The following ZNF836 variants were observed in gnomAD, a reference collection of about 807,000 sequenced individuals.
The protein encoded by ZNF836 is zinc finger protein 836.
ZNF836 carries 12 observed loss-of-function variants against 7.4 expected under a neutral mutation model. That is an observed-to-expected ratio of 1.61 (90% CI 1.03 to 2.61). ZNF836 has a LOEUF of 2.61. Ranked by LOEUF, ZNF836 falls within the 30% of genes most tolerant of loss-of-function variation. The pLI is 0.00. For missense variants in ZNF836, 998 were observed against 1,126.2 expected (o/e 0.89, Z 1.63); for synonymous variants, 365 against 382.6 (o/e 0.95, Z 0.54).
intron 4 of ZNF836, among the ~76,000 whole-genome samples, chr19:52,157,744 T>C (rs557706316): frequency 1.4e-3 from 211 of 152,156 alleles, no homozygotes; most frequent in South Asian, 3.7e-3. Context: ...CTAATTTTTA[T>C]ATTTTTAGTA....
At position 52,157,002 on chromosome 19, in the gene ZNF836, A is replaced by G. The variant is rs1214853086; in HGVS notation, c.681T>C (p.Phe227=). The change falls in exon 5 of 5, where the codon TTT becomes TTC. Residue 227 remains phenylalanine, a synonymous_variant. Transcript: ENST00000682614. Reference sequence around the variant, plus strand: ...GGTTAATAAGACTTGAAGACACTCTAAAGGCTTTGCCACACCCTTTACACA... The same window carrying G: ...GGTTAATAAGACTTGAAGACACTCTGAAGGCTTTGCCACACCCTTTACACA... ...PYMCKGCGKA[F]RVSSSLINHQ... 1 of 1,614,082 alleles carries G rather than the reference A, an allele frequency of 6.2e-7. No homozygotes were observed. Among genetic ancestry groups the G allele is most frequent in the Admixed American group, 1.7e-5 (1 of 60,006 alleles).
In ZNF836 at chr19:52,156,876, T is replaced by C. The variant is rs766995060; in HGVS notation, c.807A>G (p.Thr269=). ...CACCACATTGATATGGCTTCCCCCT[T>C]GTATGGACTATCTGATGTATAGTTA... ...SLLTIHQIVH[T]RGKPYQCGVC... The change falls in exon 5 of 5, where the codon ACA becomes ACG. Residue 269 remains threonine (T), a synonymous_variant. Transcript: ENST00000682614. 15 of 1,614,028 alleles carry C rather than the reference T, an allele frequency of 9.3e-6. No individual in the cohort carries two copies. The highest frequency in any genetic ancestry group is 6.7e-5 in the Admixed American group (4 of 60,002).
Position 52,155,058 on chromosome 19 carries a change from A to C in ZNF836, c.2625T>G (p.Ser875=), listed in dbSNP as rs2089138447. The C allele has an allele frequency of 6.2e-7, 1 of 1,614,190 alleles. No individual in the cohort carries two copies. ...IECGKAFGRF[S]CLNKHQMIHS... is the part of the protein sequence containing the mutation. ...GAATCATTTGGTGTTTGTTGAGGCA[A>C]GAAAACCGCCCAAAGGCCTTGCCAC... Residue 875 remains serine, a synonymous_variant, in exon 5 of 5, where the codon TCT becomes TCG. Transcript: ENST00000682614.
In ZNF836 at chr19:52,157,399, A is replaced by G. The variant is rs1568570522; in HGVS notation, c.284T>C (p.Leu95Pro). 6.2e-7 allele frequency: 1 copy of G among 1,609,524 alleles called. No individual in the cohort carries two copies. The highest frequency in any genetic ancestry group is 8.5e-7 in the Non-Finnish European group (1 of 1,178,896). Residue 95 changes from leucine (L) to proline (P), a missense_variant, in exon 5 of 5, where the codon CTA becomes CCA. By Grantham distance (98) the Leu-to-Pro change is moderately conservative. Transcript: ENST00000682614. Reference sequence around the variant, plus strand: ...TTTCCATTGAAACTCAAGGTCCTGTAGATTTTTCTGGATTTCCCTTAAGTA... The same window carrying G: ...TTTCCATTGAAACTCAAGGTCCTGTGGATTTTTCTGGATTTCCCTTAAGTA... ...NFYLREIQKN[L>P]QDLEFQWKDG... is the part of the protein sequence containing the mutation.
intron 4 of ZNF836, among the ~76,000 whole-genome samples, chr19:52,157,818 C>G (rs1229122637): frequency 6.6e-6 from 1 of 152,136 alleles, no homozygotes; most frequent in Non-Finnish European, 1.5e-5. Flanking sequence ...ATCCGCCCAC[C>G]TCGGCCCCAC....
In ZNF836 at chr19:52,156,378, G is replaced by T. The variant is rs372781291; in HGVS notation, c.1305C>A (p.Ile435=). The change falls in exon 5 of 5, where the codon ATC becomes ATA. Residue 435 remains isoleucine (I), a synonymous_variant. Coordinates refer to ENST00000682614, the MANE Select transcript of ZNF836 (RefSeq NM_001102657.3). ...RSSSLTTHQI[I]HTGEKPYTCD... is the part of the protein sequence containing the mutation. ...ATGTATATGGTTTCTCTCCTGTATG[G>T]ATTATCTGATGTGTAGTGAGGCTGG... 73 of 1,614,006 alleles carry T rather than the reference G, an allele frequency of 4.5e-5. No homozygotes were observed. The highest frequency in any genetic ancestry group is 1.6e-4 in the Middle Eastern group (1 of 6,084).
rs371268827 is a variant in ZNF836, at chr19:52,157,168, T to A, written c.515A>T (p.Asn172Ile). 71 of 1,613,370 alleles carry A rather than the reference T, an allele frequency of 4.4e-5. No homozygotes were observed. Among genetic ancestry groups the A allele is most frequent in the Non-Finnish European group, 5.6e-5 (66 of 1,179,588 alleles). ...AAGTGGTGAAACTAGGGAACTGTTA[T>A]TAACTGTCTTCTCAGATTGGTTACA... ...YECNQSEKTV[N>I]NSSLVSPLQR... Residue 172 changes from asparagine to isoleucine, a missense_variant, in exon 5 of 5, where the codon AAT becomes ATT. By Grantham distance (149) the Asn-to-Ile change is moderately radical. Transcript: ENST00000682614.
rs778236764 is a variant in ZNF836 at position 52,156,501 on chromosome 19, G to A, written c.1182C>T (p.Ser394=). The change falls in exon 5 of 5, where the codon TCC becomes TCT. Residue 394 remains serine, a synonymous_variant. Transcript: ENST00000682614. ...TTGCCAGGTTGGAACTTTGACTAAA[G>A]GACTTTCCACATATGTTGCATTTGT... ...KPYKCNICGK[S]FSQSSNLATH... 6 of 1,614,078 alleles carry A rather than the reference G, an allele frequency of 3.7e-6. No homozygotes were observed. Among genetic ancestry groups the A allele is most frequent in the Non-Finnish European group, 5.1e-6 (6 of 1,180,022 alleles).
rs747470577 is a variant in ZNF836, at chr19:52,157,226, GCAGTTCAGT to G, written c.448_456del (p.Thr150_Leu152del). 1 of 1,610,774 alleles carries G rather than the reference GCAGTTCAGT, an allele frequency of 6.2e-7. No individual in the cohort carries two copies. Among genetic ancestry groups the G allele is most frequent in the Non-Finnish European group, 8.5e-7 (1 of 1,177,948 alleles). On this transcript the variant is annotated inframe_deletion, in exon 5 of 5. Coordinates refer to ENST00000682614, the MANE Select transcript of ZNF836 (RefSeq NM_001102657.3). ...ATTTTCCCTTCAGTTTGAAATTTCT[GCAGTTCAGT>G]CAGACGTGACTGAAAGCTTAATGTA...
At chr19:52,162,483 G>T (rs2089221054) in intron 3 of ZNF836, among the ~76,000 whole-genome samples, 2 of 152,356 alleles carry the variant, frequency 1.3e-5, no homozygotes, top group South Asian at 4.1e-4. Context: ...AAGGTTTACA[G>T]TTTGTGTGTT....
intron 3 of ZNF836, among the ~76,000 whole-genome samples, chr19:52,167,715 C>G (rs934993912): frequency 1.4e-4 from 22 of 152,102 alleles, no homozygotes; most frequent in Admixed American, 6.6e-5. Context: ...TGCAGCTTCT[C>G]TACTTCTGGT....
In ZNF836 at chr19:52,156,562, A is replaced by G; in HGVS notation, c.1121T>C (p.Val374Ala). The G allele has an allele frequency of 1.2e-6, 2 of 1,613,028 alleles. No individual in the cohort carries two copies. Among genetic ancestry groups the G allele is most frequent in the South Asian group, 2.2e-5 (2 of 91,020 alleles). The change falls in exon 5 of 5, where the codon GTA becomes GCA. Residue 374 changes from valine to alanine, a missense_variant. By Grantham distance (64) the Val-to-Ala change is moderately conservative. Transcript: ENST00000682614. Reference sequence around the variant, plus strand: ...TCCAGTGTGGATTCTCTGGTGATTTACAAGATTAGAATTCTGCCTGAAGAC... The same window carrying G: ...TCCAGTGTGGATTCTCTGGTGATTTGCAAGATTAGAATTCTGCCTGAAGAC... ...GKVFRQNSNL[V>A]NHQRIHTGEK...
At chr19:52,162,819 G>C (rs775577992) in intron 3 of ZNF836, among the ~76,000 whole-genome samples, 7 of 152,162 alleles carry the variant, frequency 4.6e-5, no homozygotes, top group Non-Finnish European at 8.8e-5. Context: ...ACCTTCTGGC[G>C]GCAGGCGCAG....
rs752617787 is a variant in ZNF836 at position 52,155,321 on chromosome 19, G to A, written c.2362C>T (p.Arg788Cys). 2.9e-5 allele frequency: 46 copies of A among 1,611,772 alleles called. No homozygotes were observed. Among genetic ancestry groups the A allele is most frequent in the Middle Eastern group, 3.3e-4 (2 of 6,050 alleles). The change falls in exon 5 of 5, where the codon CGT becomes TGT. Residue 788 changes from arginine to cysteine, a missense_variant. Arg to Cys is a radical substitution (Grantham distance 180). Transcript: ENST00000682614. ...YKCNECGKVF[R>C]HQSTLARHRS... ...TGACGTGCTAGTGTTGATTGATGAC[G>A]AAAGACCTTGCCACATTCATTACAT... is the stretch of plus-strand genomic sequence containing the variant.
In ZNF836 at chr19:52,156,702, C is replaced by A; in HGVS notation, c.981G>T (p.Glu327Asp). 1 of 1,606,066 alleles carries A rather than the reference C, an allele frequency of 6.2e-7. No individual in the cohort carries two copies. The highest frequency in any genetic ancestry group is 8.5e-7 in the Non-Finnish European group (1 of 1,174,746). The part of the protein sequence containing the change: ...LAIHQRIHTG[E>D]KPYKCNECGK... ...CACACTCATTACATTTGTAAGGTTT[C>A]TCTCCAGTGTGAATTCTCTGATGTA... is the stretch of plus-strand genomic sequence containing the variant. Residue 327 changes from glutamate to aspartate, a missense_variant, in exon 5 of 5, where the codon GAG (glutamate) becomes GAT (aspartate). Physicochemically the swap from Glu to Asp is conservative, Grantham distance 45. Transcript: ENST00000682614.
intron 3 of ZNF836, among the ~76,000 whole-genome samples, chr19:52,162,764 A>G (rs542932570): frequency 6.6e-6 from 1 of 152,226 alleles, no homozygotes; most frequent in Non-Finnish European, 1.5e-5. Flanking sequence ...TTCCCAGTAG[A>G]TAACTTCAAG....
chr19:52,157,900 TTG>T (rs1156810309), intron 4 of ZNF836, among the ~76,000 whole-genome samples: 13 of 152,032 alleles, frequency 8.6e-5, no homozygotes, highest in Admixed American at 3.9e-4. Flanking sequence ...CTAGTATTAT[TTG>T]TTTTTTTTTA....
chr19:52,171,568 G>A lies in ZNF836; in HGVS notation c.-447C>T, dbSNP rs2089308616. On this transcript the variant is annotated 5_prime_UTR_variant, in exon 1 of 5. Coordinates refer to ENST00000682614, the MANE Select transcript of ZNF836 (RefSeq NM_001102657.3). ...CCTGAGAAAAAAGACTGAGAGACCTGGGGCGGGAGAGGGGCCTGGGCGGGG... is the reference window on the plus strand; with the variant it reads ...CCTGAGAAAAAAGACTGAGAGACCTAGGGCGGGAGAGGGGCCTGGGCGGGG... 1.3e-5 allele frequency: 2 copies of A among 152,316 alleles called. No individual in the cohort carries two copies. The highest frequency in any genetic ancestry group is 1.3e-4 in the Admixed American group (2 of 15,288). The allele number at this position is 152,316 out of a possible 1,614,324, so 9.4% of individuals were successfully genotyped here.
rs772947684 is a variant in ZNF836 at position 52,155,135 on chromosome 19, C to G, written c.2548G>C (p.Val850Leu). The change falls in exon 5 of 5, where the codon GTG becomes CTG. Residue 850 changes from valine (V) to leucine (L), a missense_variant. Val to Leu is a conservative substitution (Grantham distance 32). Transcript: ENST00000682614. ...GKAFIERSKL[V>L]YHQRNHTGEK... Reference sequence around the variant, plus strand: ...CCAGTGTGATTTCTTTGATGGTACACCAGCTTTGACCTTTCAATAAAAGCT... The same window carrying G: ...CCAGTGTGATTTCTTTGATGGTACAGCAGCTTTGACCTTTCAATAAAAGCT... 4 of 1,613,860 alleles carry G rather than the reference C, an allele frequency of 2.5e-6. No homozygotes were observed. The highest frequency in any genetic ancestry group is 1.3e-5 in the African/African-American group (1 of 74,860).
Sources: allele counts gnomAD v4.1 joint callset (sites outside exome capture counted in the v4.1 genomes callset), GRCh38; gene constraint gnomAD v4.1.1; transcripts MANE v1.5; gene names NCBI Gene and HGNC (gene_info 2026-07-23, HGNC 2026-07-21).